The following DNAH11 variants were observed in gnomAD, a reference collection of about 807,000 sequenced individuals.
DNAH11 encodes axonemal beta dynein heavy chain 11.
Under a neutral mutation model 526.0 loss-of-function variants are expected in DNAH11, and 442 were observed. That is an observed-to-expected ratio of 0.84 (90% confidence interval 0.78 to 0.91). DNAH11 has a LOEUF of 0.91. Ranked by LOEUF, DNAH11 falls within the 40% of genes least tolerant of loss-of-function variation. The pLI is 0.00. For synonymous variants in DNAH11, 2,461 were observed against 1,935.9 expected, an observed-to-expected ratio of 1.27 and a Z score of -7.12; for missense variants, 6,989 against 5,448.7, an observed-to-expected ratio of 1.28 and a Z score of -8.90.
In DNAH11 at chr7:21,892,699, T is replaced by C. The variant is rs9639401; in HGVS notation, c.12750+32T>C. 351,822 of 1,541,430 alleles carry C rather than the reference T, an allele frequency of 0.23. 41,939 individuals carry two copies. The highest frequency in any genetic ancestry group is 0.37 in the East Asian group (15,041 of 41,080). ...GGTCTTTCCTTCCTTTTCTTTTTCATTGAAGTATAACTTACTTGTACTGAA... is the reference window on the plus strand; with the variant it reads ...GGTCTTTCCTTCCTTTTCTTTTTCACTGAAGTATAACTTACTTGTACTGAA... On this transcript the variant is annotated intron_variant, in intron 77 of 81. Coordinates refer to ENST00000409508, the MANE Select transcript of DNAH11 (RefSeq NM_001277115.2).
Position 21,619,082 on chromosome 7 carries a change from T to C in DNAH11, c.4255-18T>C. 3 of 1,610,950 alleles carry C rather than the reference T, an allele frequency of 1.9e-6. No homozygotes were observed. Among genetic ancestry groups the C allele is most frequent in the Non-Finnish European group, 2.5e-6 (3 of 1,177,978 alleles). The stretch of plus-strand genomic sequence containing the variant: ...ATATATGTGGAATATAAAGTCTAAC[T>C]TTTTTTCCCCCAATCAGGTCAAGTT... On this transcript the variant is annotated intron_variant, in intron 23 of 81. Transcript: ENST00000409508.
chr7:21,730,965 G>A (rs542863633), intron 45 of DNAH11, among the ~76,000 whole-genome samples: 5 of 152,196 alleles, frequency 3.3e-5, no homozygotes, highest in Admixed American at 6.5e-5. Context: ...CCAACATGGC[G>A]AAACCCGGTC....
intron 81 of DNAH11, 59 bp from the exon 82 acceptor site, chr7:21,900,944 ACTTG>A (rs1277026045): frequency 1.8e-5 from 16 of 868,776 alleles, no homozygotes; most frequent in Non-Finnish European, 2.5e-5. Context: ...CAAACAACTT[ACTTG>A]ATCATTATCA....
At position 21,543,120 on chromosome 7, in the gene DNAH11, G is replaced by C. The variant is rs1208088877; in HGVS notation, c.-126G>C. 2 of 1,430,870 alleles carry C rather than the reference G, an allele frequency of 1.4e-6. No individual in the cohort carries two copies. The highest frequency in any genetic ancestry group is 1.8e-6 in the Non-Finnish European group (2 of 1,099,914). 88.6% of individuals were successfully genotyped at this position (1,430,870 alleles called of 1,614,324 possible). A position where few individuals can be genotyped will look rare whatever the true frequency, so the allele number is the denominator to read the frequency against. ...CTAAGTAGCAGCAGGTGGGAGACTA[G>C]GGTCTGCGCTCGCGGCGACCGCGGA... On this transcript the variant is annotated 5_prime_UTR_variant, in exon 1 of 82. Transcript: ENST00000409508.
intron 65 of DNAH11, among the ~76,000 whole-genome samples, chr7:21,837,095 A>G (rs1338480335): frequency 6.6e-6 from 1 of 152,138 alleles, no homozygotes; most frequent in Non-Finnish European, 1.5e-5. Flanking sequence ...AAAAATAACA[A>G]TTGCTAGAAT....
chr7:21,683,646 TATA>T (rs1476278409), intron 31 of DNAH11, 135 bp from the exon 32 acceptor site: 2 of 867,306 alleles, frequency 2.3e-6, no homozygotes, highest in Non-Finnish European at 3.4e-6. Context: ...TATATGCTAT[TATA>T]ATTTGCAATA....
chr7:21,828,452 G>GT (rs201627699), intron 65 of DNAH11, among the ~76,000 whole-genome samples: 17 of 152,010 alleles, frequency 1.1e-4, no homozygotes, highest in South Asian at 6.2e-4. Context: ...ATTTAGTAAA[G>GT]TTTTTTTTCC....
chr7:21,705,532 A>G lies in DNAH11; in HGVS notation c.6541A>G (p.Ser2181Gly), dbSNP rs1415270608. The G allele has an allele frequency of 6.2e-7, 1 of 1,613,402 alleles. No homozygotes were observed. Among genetic ancestry groups the G allele is most frequent in the Non-Finnish European group, 8.5e-7 (1 of 1,179,504 alleles). ...AGTTGGAAATGCAGGCACAGGAAAG[A>G]GTAAGGTATAGTAAATTGCCTAATA... ...FVVGNAGTGKSKILRTLNRTY... is the reference protein window; with the variant it reads ...FVVGNAGTGKGKILRTLNRTY... Residue 2181 changes from serine (S) to glycine (G), a missense_variant, in exon 39 of 82, where the codon AGT becomes GGT. Physicochemically the swap from Ser to Gly is moderately conservative, Grantham distance 56. Transcript: ENST00000409508.
At chr7:21,735,969 A>G (rs1785592352) in intron 46 of DNAH11, 125 bp downstream of exon 46, 3 of 896,548 alleles carry the variant, frequency 3.3e-6, no homozygotes, top group Non-Finnish European at 4.9e-6. Flanking sequence ...CCTTAGATGA[A>G]TTTGTACTTA....
intron 28 of DNAH11, among the ~76,000 whole-genome samples, chr7:21,653,038 A>G (rs1781853257): frequency 6.6e-6 from 1 of 152,014 alleles, no homozygotes; most frequent in African/African-American, 2.4e-5. Context: ...CACCATGCCC[A>G]GCTAATTTTG....
At chr7:21,586,498 G>C (rs1784482117) in intron 9 of DNAH11, among the ~76,000 whole-genome samples, 1 of 152,118 alleles carries the variant, frequency 6.6e-6, no homozygotes, top group Non-Finnish European at 1.5e-5. Context: ...GAATGTGTTT[G>C]TCTAAATTGA....
intron 35 of DNAH11, among the ~76,000 whole-genome samples, chr7:21,692,268 G>A (rs969143080): frequency 1.1e-4 from 16 of 152,266 alleles, no homozygotes; most frequent in South Asian, 8.3e-4. Flanking sequence ...GTGTACAGTT[G>A]GTGAAAGCAT....
chr7:21,791,408 C>G (rs535605237), intron 61 of DNAH11, among the ~76,000 whole-genome samples: 1 of 152,296 alleles, frequency 6.6e-6, no homozygotes, highest in African/African-American at 2.4e-5. Context: ...GATATATGAT[C>G]CAACCTTTCG....
rs1048197010 is a variant in DNAH11, at chr7:21,578,370, C to T, written c.1594-3535C>T. On this transcript the variant is annotated intron_variant, in intron 8 of 81. Coordinates refer to ENST00000409508, the MANE Select transcript of DNAH11 (RefSeq NM_001277115.2). ...ACATCTTAAAGCTCCAAAATAATCTCCTTTGACTCTATGTCTCACATCTAG... is the reference window on the plus strand; with the variant it reads ...ACATCTTAAAGCTCCAAAATAATCTTCTTTGACTCTATGTCTCACATCTAG... Among the ~76,000 whole-genome samples the T allele has an allele frequency of 7.2e-5, 11 of 152,208 alleles. No homozygotes were observed. In the East Asian group the frequency reaches 1.7e-3, roughly 24 times the overall value.
At chr7:21,596,895 A>G (rs1197975995) in intron 14 of DNAH11, among the ~76,000 whole-genome samples, 4 of 152,248 alleles carry the variant, frequency 2.6e-5, no homozygotes, top group East Asian at 1.9e-4. Flanking sequence ...ATTTGTTTCC[A>G]TAAGTTGGGT....
intron 41 of DNAH11, among the ~76,000 whole-genome samples, chr7:21,711,170 C>A (rs964116388): frequency 6.6e-6 from 1 of 152,214 alleles, no homozygotes; most frequent in Admixed American, 6.5e-5. Context: ...CAAAAGGTGA[C>A]GGTACAGGTC....
chr7:21,863,020 C>T lies in DNAH11; in HGVS notation c.11373+997C>T, dbSNP rs187045409. On this transcript the variant is annotated intron_variant, in intron 69 of 81. Coordinates refer to ENST00000409508, the MANE Select transcript of DNAH11 (RefSeq NM_001277115.2). Reference sequence around the variant, plus strand: ...CAGAGCTTGCAGTGAGCTGAGATCACGCCACTGCACTCCAGCCTGGGCAAC... The same window carrying T: ...CAGAGCTTGCAGTGAGCTGAGATCATGCCACTGCACTCCAGCCTGGGCAAC... Among the ~76,000 whole-genome samples the T allele has an allele frequency of 2.7e-3, 400 of 146,718 alleles. 2 individuals carry two copies. The highest frequency in any genetic ancestry group is 7.0e-3 in the Middle Eastern group (2 of 284).
chr7:21,779,847 C>G (rs1787859124), intron 57 of DNAH11, among the ~76,000 whole-genome samples: 1 of 151,990 alleles, frequency 6.6e-6, no homozygotes, highest in African/African-American at 2.4e-5. Flanking sequence ...GTAAAAAATT[C>G]TTATTTTAGA....
At chr7:21,608,105 G>A (rs1421945657) in intron 20 of DNAH11, among the ~76,000 whole-genome samples, 2 of 146,484 alleles carry the variant, frequency 1.4e-5, no homozygotes, top group East Asian at 2.0e-4. Context: ...TCTTTTGCCC[G>A]TAACTTTTAA....
Sources: allele counts gnomAD v4.1 joint callset (sites outside exome capture counted in the v4.1 genomes callset), GRCh38; gene constraint gnomAD v4.1.1; transcripts MANE v1.5; gene names NCBI Gene and HGNC (gene_info 2026-07-23, HGNC 2026-07-21).